Variants in NRXN3 observed in about 807,000 individuals in gnomAD.
The protein encoded by NRXN3 is neurexin 3.
In NRXN3, 32 loss-of-function variants were observed where a neutral mutation model predicts 137.6. The ratio of observed to expected loss-of-function variants is 0.23; its 90% confidence interval spans 0.18 to 0.31. The LOEUF is 0.31. Among genes scored for constraint, NRXN3 ranks in the 10% least tolerant of loss-of-function variants. The pLI is 1.00. For synonymous variants in NRXN3, 798 were observed against 784.5 expected (o/e 1.02, Z -0.29); for missense variants, 1,574 against 2,062.5 (o/e 0.76, Z 4.59).
At chr14:79,496,237 TCACACACACACACACACAGACA>T in intron 16 of NRXN3, among the ~76,000 whole-genome samples, 1 of 144,988 alleles carries the variant, frequency 6.9e-6, no homozygotes, top group East Asian at 2.6e-4. Flanking sequence ...TCTCTCTCTC[TCACACACACACACACACAGACA>T]CACACACACA....
chr14:79,720,042 C>T (rs1176098700), intron 19 of NRXN3, among the ~76,000 whole-genome samples: 2 of 152,048 alleles, frequency 1.3e-5, no homozygotes, highest in African/African-American at 4.8e-5. Flanking sequence ...GTGTATTAGT[C>T]TGTTCTCACA....
At chr14:78,771,661 T>C (rs1250084507) in intron 8 of NRXN3, among the ~76,000 whole-genome samples, 1 of 152,222 alleles carries the variant, frequency 6.6e-6, no homozygotes, top group Non-Finnish European at 1.5e-5. Context: ...AATAAGAATG[T>C]ACACAGAATG....
intron 15 of NRXN3, among the ~76,000 whole-genome samples, chr14:79,136,233 C>T (rs1176642147): frequency 6.6e-6 from 1 of 152,182 alleles, no homozygotes; most frequent in Non-Finnish European, 1.5e-5. Flanking sequence ...ATTTATTCCA[C>T]AGTCCCTAGA....
chr14:78,422,906 C>T (rs184097298), intron 4 of NRXN3, among the ~76,000 whole-genome samples: 47 of 152,116 alleles, frequency 3.1e-4, no homozygotes, highest in Middle Eastern at 3.2e-3. Flanking sequence ...CCAAGAGAGA[C>T]GTGGATAGGA....
rs1183947287 is a variant in NRXN3, at chr14:78,934,813, G to A, written c.2276-22429G>A. Among the ~76,000 whole-genome samples, 5 of 151,938 alleles carry A rather than the reference G, an allele frequency of 3.3e-5. 1 individual carries two copies. ...CATCACACACTGGGCACTGTTGTGG[G>A]GTGGGGGGAGTGGGGAGGGATAGCA... On this transcript the variant is annotated intron_variant, in intron 10 of 20. Coordinates refer to ENST00000335750, the MANE Select transcript of NRXN3 (RefSeq NM_001330195.2).
chr14:79,505,139 T>C (rs1030200579), intron 16 of NRXN3, among the ~76,000 whole-genome samples: 4 of 150,424 alleles, frequency 2.7e-5, no homozygotes, highest in Non-Finnish European at 5.9e-5. Context: ...CGCTTGAACT[T>C]AGGAGGTGAA....
chr14:79,145,950 A>AGAG (rs1425131981), intron 15 of NRXN3, among the ~76,000 whole-genome samples: 1 of 152,228 alleles, frequency 6.6e-6, no homozygotes, highest in Non-Finnish European at 1.5e-5. Flanking sequence ...ATTGAGGCAC[A>AGAG]GAGGTGTTAC....
chr14:79,158,941 T>C (rs1430668854), intron 15 of NRXN3, among the ~76,000 whole-genome samples: 1 of 151,776 alleles, frequency 6.6e-6, no homozygotes, highest in Non-Finnish European at 1.5e-5. Flanking sequence ...ATCAAAACTC[T>C]CACAAAATTG....
At chr14:78,486,749 T>C (rs958040681) in intron 4 of NRXN3, among the ~76,000 whole-genome samples, 1 of 152,156 alleles carries the variant, frequency 6.6e-6, no homozygotes, top group African/African-American at 2.4e-5. Flanking sequence ...CTGTGAACTT[T>C]TATGGTTTTG....
intron 16 of NRXN3, among the ~76,000 whole-genome samples, chr14:79,544,225 C>A (rs1311957607): frequency 1.3e-5 from 2 of 152,210 alleles, no homozygotes; most frequent in Non-Finnish European, 2.9e-5. Flanking sequence ...GGGTCTGAGT[C>A]ATTGAACAAG....
At chr14:78,680,150 A>T (rs1209201157) in intron 6 of NRXN3, among the ~76,000 whole-genome samples, 1 of 152,134 alleles carries the variant, frequency 6.6e-6, no homozygotes, top group African/African-American at 2.4e-5. Flanking sequence ...AATACTGCAT[A>T]TTCTTATTTA....
At chr14:79,256,617 GC>G (rs766262143) in intron 15 of NRXN3, among the ~76,000 whole-genome samples, 33 of 152,282 alleles carry the variant, frequency 2.2e-4, no homozygotes, top group Admixed American at 5.9e-4. Context: ...TAAGTGCCCA[GC>G]ATTAATCTCC....
chr14:78,992,551 T>G (rs77043556), intron 15 of NRXN3, among the ~76,000 whole-genome samples: 12 of 152,186 alleles, frequency 7.9e-5, no homozygotes, highest in Admixed American at 1.3e-4. Flanking sequence ...AGAATCTCCT[T>G]CCTGTATTTT....
intron 15 of NRXN3, among the ~76,000 whole-genome samples, chr14:79,128,670 A>G (rs1051703553): frequency 5.3e-5 from 8 of 152,274 alleles, no homozygotes; most frequent in South Asian, 2.1e-4. Context: ...GGGCTTTGGT[A>G]TCAGGATGAT....
At chr14:79,386,012 A>C (rs1261887019) in intron 15 of NRXN3, among the ~76,000 whole-genome samples, 1 of 152,166 alleles carries the variant, frequency 6.6e-6, no homozygotes, top group Non-Finnish European at 1.5e-5. Context: ...GAATGGGCAA[A>C]AACTGGAAGC....
At chr14:79,476,596 A>G (rs1282158561) in intron 16 of NRXN3, among the ~76,000 whole-genome samples, 1 of 152,106 alleles carries the variant, frequency 6.6e-6, no homozygotes, top group African/African-American at 2.4e-5. Flanking sequence ...GACATAGATT[A>G]TTACTTCCTA....
At chr14:78,904,462 A>G (rs1042669246) in intron 10 of NRXN3, among the ~76,000 whole-genome samples, 1 of 152,106 alleles carries the variant, frequency 6.6e-6, no homozygotes, top group Non-Finnish European at 1.5e-5. Flanking sequence ...ACCAGTCCTT[A>G]GCCTTTGCTG....
At chr14:78,942,598 A>G (rs2099355220) in intron 10 of NRXN3, among the ~76,000 whole-genome samples, 1 of 152,338 alleles carries the variant, frequency 6.6e-6, no homozygotes, top group African/African-American at 2.4e-5. Context: ...AACGTAGAAC[A>G]GAGGATACTA....
At chr14:78,640,168 G>A (rs1489861436) in intron 4 of NRXN3, among the ~76,000 whole-genome samples, 1 of 152,074 alleles carries the variant, frequency 6.6e-6, no homozygotes, top group Non-Finnish European at 1.5e-5. Flanking sequence ...GTTCTGCTAG[G>A]AACTTCTGCT....
Sources: allele counts gnomAD v4.1 joint callset (sites outside exome capture counted in the v4.1 genomes callset), GRCh38; gene constraint gnomAD v4.1.1; transcripts MANE v1.5; gene names NCBI Gene and HGNC (gene_info 2026-07-23, HGNC 2026-07-21).